TMTC2: variants seen among roughly 807,000 people sequenced by gnomAD.
The protein encoded by TMTC2 is transmembrane O-mannosyltransferase targeting cadherins 2.
A neutral mutation model predicts 82.4 loss-of-function variants in TMTC2; 43 were observed. The ratio of observed to expected loss-of-function variants is 0.52; its 90% CI spans 0.41 to 0.67. The LOEUF is 0.67. TMTC2 is among the 30% of genes least tolerant of loss of function. The pLI is 0.00. For synonymous variants in TMTC2, 408 were observed against 381.9 expected (o/e 1.07, Z -0.80); for missense variants, 919 against 1,012.4 (o/e 0.91, Z 1.25).
In TMTC2 at chr12:82,688,867, A is replaced by G. The variant is rs1033216943; in HGVS notation, c.83+1198A>G. Among the ~76,000 whole-genome samples the G allele has an allele frequency of 2.0e-5, 3 of 152,316 alleles. No homozygotes were observed. The South Asian group carries it at 6.2e-4, about 32-fold the overall frequency. ...AATCTTCTTCTCGTCGTAATTAGCC[A>G]CATTCTGTATTCTCTGGTGTGCCCA... On this transcript the variant is annotated intron_variant, in intron 1 of 11. Transcript: ENST00000321196.
chr12:82,873,631 T>A lies in TMTC2; in HGVS notation c.654+16051T>A, dbSNP rs1291873659. 2.0e-5 allele frequency among the ~76,000 whole-genome samples: 3 copies of A among 152,196 alleles called. No homozygotes were observed. The East Asian group carries it at 5.8e-4, about 29-fold the overall frequency. ...GTGGTTTACAGTATAAATATGAATC[T>A]GGGTGCTTCTTTTTCTTTCCCATTT... is the stretch of plus-strand genomic sequence containing the variant. On this transcript the variant is annotated intron_variant, in intron 2 of 11. Transcript: ENST00000321196.
chr12:82,974,859 G>A (rs761756456), intron 7 of TMTC2, among the ~76,000 whole-genome samples: 19 of 152,158 alleles, frequency 1.2e-4, no homozygotes, highest in South Asian at 6.2e-4. Context: ...GATTCTTTTC[G>A]GCCTCTCTTT....
chr12:82,846,451 A>G (rs1870687863), intron 1 of TMTC2, among the ~76,000 whole-genome samples: 2 of 152,094 alleles, frequency 1.3e-5, no homozygotes, highest in Admixed American at 6.5e-5. Context: ...TGGAAGCTCT[A>G]TGAAGGCAAA....
Position 82,999,837 on chromosome 12 carries a change from C to G in TMTC2, c.2070+13791C>G, listed in dbSNP as rs1258081327. Reference sequence around the variant, plus strand: ...GGACACAGAGCCAAACCATATCATTCTGCCCCTGAACCCTCCCAAATCTCA... The same window carrying G: ...GGACACAGAGCCAAACCATATCATTGTGCCCCTGAACCCTCCCAAATCTCA... On this transcript the variant is annotated intron_variant, in intron 8 of 11. Transcript: ENST00000321196. Among the ~76,000 whole-genome samples the G allele has an allele frequency of 2.6e-5, 4 of 152,260 alleles. No homozygotes were observed. The East Asian group carries it at 7.7e-4, about 29-fold the overall frequency.
At chr12:82,711,202 T>C (rs529622668) in intron 1 of TMTC2, among the ~76,000 whole-genome samples, 99 of 152,216 alleles carry the variant, frequency 6.5e-4, no homozygotes, top group Non-Finnish European at 1.2e-3. Context: ...GCTAAGTCAG[T>C]AGTTGGAAGC....
intron 3 of TMTC2, among the ~76,000 whole-genome samples, chr12:82,909,045 G>A (rs1023311039): frequency 6.6e-6 from 1 of 152,140 alleles, no homozygotes; most frequent in South Asian, 2.1e-4. Context: ...GTGGACCTAC[G>A]CATAAGAATT....
In TMTC2 at chr12:82,965,089, G is replaced by A; in HGVS notation, c.1664G>A (p.Gly555Glu). The A allele has an allele frequency of 6.2e-7, 1 of 1,612,094 alleles. No individual in the cohort carries two copies. The highest frequency in any genetic ancestry group is 8.5e-7 in the Non-Finnish European group (1 of 1,178,676). The change falls in exon 5 of 12, where the codon GGG becomes GAG. Residue 555 changes from glycine to glutamate, a missense_variant. Coordinates refer to ENST00000321196, the MANE Select transcript of TMTC2 (RefSeq NM_152588.3). ...EALHYYKLAIGSRPTLASAYL... is the reference protein window; with the variant it reads ...EALHYYKLAIESRPTLASAYL... ...CTACATTATTATAAATTGGCCATTG[G>A]GAGCAGGCCTACCCTGGCTTGTAAG...
intron 3 of TMTC2, among the ~76,000 whole-genome samples, chr12:82,925,009 T>G (rs920562418): frequency 3.9e-5 from 6 of 152,138 alleles, no homozygotes; most frequent in Non-Finnish European, 8.8e-5. Context: ...CTGACTGGTG[T>G]TGTTCCTGGA....
At chr12:82,997,719 T>G (rs567617221) in intron 8 of TMTC2, among the ~76,000 whole-genome samples, 10 of 151,734 alleles carry the variant, frequency 6.6e-5, no homozygotes, top group African/African-American at 2.2e-4. Context: ...ATTCCTAAAA[T>G]GTACAAAATC....
At chr12:83,076,247 C>A (rs1406898185) in intron 11 of TMTC2, among the ~76,000 whole-genome samples, 1 of 152,096 alleles carries the variant, frequency 6.6e-6, no homozygotes, top group Non-Finnish European at 1.5e-5. Context: ...GATTCACAAC[C>A]AGAAAGATCA....
Position 83,111,605 on chromosome 12 carries a change from A to G in TMTC2, c.2332-20605A>G, listed in dbSNP as rs1042651842. Among the ~76,000 whole-genome samples, 5 of 151,882 alleles carry G rather than the reference A, an allele frequency of 3.3e-5. No individual in the cohort carries two copies. The South Asian group carries it at 6.2e-4, about 19-fold the overall frequency. ...TTCCTTTCTTTTTTTTATTGTTTTT[A>G]TGTTAAAATGTATCACAATATAAAA... On this transcript the variant is annotated intron_variant, in intron 11 of 11. Transcript: ENST00000321196.
At chr12:82,937,783 T>C (rs1205176273) in intron 4 of TMTC2, among the ~76,000 whole-genome samples, 2 of 21,308 alleles carry the variant, frequency 9.4e-5, no homozygotes, top group African/African-American at 3.1e-4. Flanking sequence ...TATATATATA[T>C]ATATATATAT....
intron 1 of TMTC2, among the ~76,000 whole-genome samples, chr12:82,797,554 A>G (rs1248452068): frequency 6.6e-6 from 1 of 152,168 alleles, no homozygotes; most frequent in African/African-American, 2.4e-5. Context: ...GTTGCCGTGT[A>G]TAAAAAGGTC....
At chr12:82,974,484 G>T (rs1241767524) in intron 7 of TMTC2, among the ~76,000 whole-genome samples, 1 of 152,180 alleles carries the variant, frequency 6.6e-6, no homozygotes, top group African/African-American at 2.4e-5. Flanking sequence ...AGATAATTTT[G>T]TGTGAAGGAT....
intron 8 of TMTC2, among the ~76,000 whole-genome samples, chr12:83,024,252 A>T (rs1215614854): frequency 6.6e-6 from 1 of 152,152 alleles, no homozygotes; most frequent in Non-Finnish European, 1.5e-5. Context: ...TTGTATCAAA[A>T]TTTTTTTAAA....
chr12:82,735,505 C>T (rs1208590561), intron 1 of TMTC2, among the ~76,000 whole-genome samples: 5 of 151,888 alleles, frequency 3.3e-5, no homozygotes, highest in Non-Finnish European at 7.4e-5. Context: ...GCCACCACGC[C>T]CGGCTAATTT....
intron 10 of TMTC2, among the ~76,000 whole-genome samples, chr12:83,056,006 C>G (rs1302986421): frequency 6.6e-6 from 1 of 151,794 alleles, no homozygotes; most frequent in South Asian, 2.1e-4. Context: ...CACATTGGCT[C>G]CCTTATATTT....
At chr12:82,697,391 T>C (rs1376453476) in intron 1 of TMTC2, among the ~76,000 whole-genome samples, 1 of 151,712 alleles carries the variant, frequency 6.6e-6, no homozygotes, top group Non-Finnish European at 1.5e-5. Context: ...ATTACTGTTA[T>C]TCCCACGTAC....
chr12:82,799,535 C>T (rs949980829), intron 1 of TMTC2, among the ~76,000 whole-genome samples: 2 of 152,080 alleles, frequency 1.3e-5, no homozygotes, highest in African/African-American at 4.8e-5. Context: ...ATTTCTTCTT[C>T]AAGTTCTGGA....
Sources: gnomAD v4.1 joint callset for allele counts (sites outside exome capture counted in the v4.1 genomes callset) on GRCh38, gnomAD v4.1.1 for gene constraint, MANE v1.5 for transcripts, NCBI Gene and HGNC (gene_info 2026-07-23, HGNC 2026-07-21) for gene names.